The following TCF7L2 variants were observed in gnomAD, a reference collection of about 807,000 sequenced individuals.
TCF7L2 encodes transcription factor 7-like 2.
TCF7L2 carries 23 observed loss-of-function variants against 77.9 expected under a neutral mutation model. The observed-to-expected ratio is 0.30, with a 90% CI of 0.21 to 0.42. The LOEUF is 0.42. Among genes scored for constraint, TCF7L2 ranks in the 10% least tolerant of loss-of-function variants. The pLI is 1.00. For synonymous variants in TCF7L2, 413 were observed against 340.2 expected (o/e 1.21, Z -2.36); for missense variants, 654 against 793.1 (o/e 0.82, Z 2.11).
intron 5 of TCF7L2, among the ~76,000 whole-genome samples, chr10:113,103,486 T>C (rs961560136): frequency 4.6e-5 from 7 of 151,880 alleles, no homozygotes; most frequent in African/African-American, 1.7e-4. Context: ...GAAAAAAAAA[T>C]AGGCCATTTG....
At chr10:112,975,443 AT>A (rs2039221606) in intron 4 of TCF7L2, among the ~76,000 whole-genome samples, 1 of 152,148 alleles carries the variant, frequency 6.6e-6, no homozygotes, top group Non-Finnish European at 1.5e-5. Context: ...GCAGGGGACC[AT>A]CCCGTGCATT....
At chr10:113,137,006 A>G (rs2067513337) in intron 5 of TCF7L2, among the ~76,000 whole-genome samples, 1 of 149,354 alleles carries the variant, frequency 6.7e-6, no homozygotes, top group Non-Finnish European at 1.5e-5. Context: ...AGGGACCATG[A>G]TCATCTCCAC....
At chr10:113,132,364 CA>C (rs1363362244) in intron 5 of TCF7L2, among the ~76,000 whole-genome samples, 5 of 152,186 alleles carry the variant, frequency 3.3e-5, no homozygotes, top group African/African-American at 4.8e-5. Context: ...CCTTTTTATG[CA>C]GCTGTTCCTT....
intron 4 of TCF7L2, among the ~76,000 whole-genome samples, chr10:113,027,153 G>A (rs751364079): frequency 2.0e-5 from 3 of 152,156 alleles, no homozygotes; most frequent in Non-Finnish European, 4.4e-5. Flanking sequence ...TTTCTTTTTG[G>A]AAGTGGAATT....
At chr10:112,960,334 G>A (rs1211300334) in intron 3 of TCF7L2, among the ~76,000 whole-genome samples, 1 of 152,126 alleles carries the variant, frequency 6.6e-6, no homozygotes, top group Non-Finnish European at 1.5e-5. Flanking sequence ...TTAAAATGTT[G>A]GTCTTTACAT....
intron 5 of TCF7L2, among the ~76,000 whole-genome samples, chr10:113,126,294 A>C (rs192155775): frequency 6.6e-6 from 1 of 152,216 alleles, no homozygotes; most frequent in Non-Finnish European, 1.5e-5. Flanking sequence ...TTCAGTTGGC[A>C]GAAAACTTTG....
chr10:113,057,689 G>C (rs944556686), intron 5 of TCF7L2, among the ~76,000 whole-genome samples: 2 of 152,200 alleles, frequency 1.3e-5, no homozygotes, highest in Admixed American at 1.3e-4. Context: ...TAATCCTTAT[G>C]ATCTTTGGGG....
intron 5 of TCF7L2, among the ~76,000 whole-genome samples, chr10:113,120,771 A>G (rs572323875): frequency 6.6e-6 from 1 of 152,322 alleles, no homozygotes; most frequent in Admixed American, 6.5e-5. Context: ...ATTATGGCCT[A>G]CAAACCCTGA....
chr10:112,984,487 T>C (rs940402566), intron 4 of TCF7L2, among the ~76,000 whole-genome samples: 3 of 152,148 alleles, frequency 2.0e-5, no homozygotes, highest in Non-Finnish European at 4.4e-5. Context: ...CTCTAAGTGA[T>C]GATTTATTCC....
intron 4 of TCF7L2, among the ~76,000 whole-genome samples, chr10:113,026,869 A>G (rs1043808335): frequency 2.1e-4 from 32 of 152,202 alleles, no homozygotes; most frequent in Non-Finnish European, 7.3e-5. Context: ...GGGAGGGAAT[A>G]CCCAAACTCG....
chr10:113,159,024 TA>T (rs540075953), intron 12 of TCF7L2, among the ~76,000 whole-genome samples: 240 of 147,770 alleles, frequency 1.6e-3, no homozygotes, highest in Middle Eastern at 3.5e-3. Context: ...AGAGACTGGT[TA>T]AAAAAAAAAA....
intron 5 of TCF7L2, among the ~76,000 whole-genome samples, chr10:113,093,615 G>A (rs1401910914): frequency 2.0e-5 from 3 of 152,148 alleles, no homozygotes; most frequent in Non-Finnish European, 4.4e-5. Context: ...CCTTCCTCTA[G>A]GGAATTAAGG....
chr10:113,088,641 G>A (rs545208910), intron 5 of TCF7L2, among the ~76,000 whole-genome samples: 1 of 152,246 alleles, frequency 6.6e-6, no homozygotes, highest in Non-Finnish European at 1.5e-5. Flanking sequence ...GCCTGGCAGA[G>A]GAAAAGGTGT....
At chr10:113,141,391 G>A (rs1170126522) in intron 6 of TCF7L2, 75 bp downstream of exon 6, 1 of 1,599,986 alleles carries the variant, frequency 6.3e-7, no homozygotes, top group Non-Finnish European at 8.5e-7. Context: ...GCCTCCACAG[G>A]AACCCCAGGG....
At chr10:113,064,381 C>A (rs2056958968) in intron 5 of TCF7L2, among the ~76,000 whole-genome samples, 1 of 152,188 alleles carries the variant, frequency 6.6e-6, no homozygotes, top group African/African-American at 2.4e-5. Context: ...TTTCCTTTTT[C>A]TGTAGGCCAG....
chr10:113,108,036 C>T (rs2062626202), intron 5 of TCF7L2, among the ~76,000 whole-genome samples: 1 of 149,640 alleles, frequency 6.7e-6, no homozygotes, highest in Admixed American at 6.6e-5. Flanking sequence ...GGTCTGTCGG[C>T]TGACCTTCTT....
At chr10:113,094,773 C>T (rs1009406892) in intron 5 of TCF7L2, among the ~76,000 whole-genome samples, 28 of 152,334 alleles carry the variant, frequency 1.8e-4, no homozygotes, top group African/African-American at 5.8e-4. Flanking sequence ...ATTATCCCTC[C>T]TGTCCCTTAA....
intron 5 of TCF7L2, chr10:113,126,597 G>T (rs901957323): frequency 2.0e-6 from 2 of 985,162 alleles, no homozygotes; most frequent in African/African-American, 1.7e-5. Flanking sequence ...TTTTGTGGGG[G>T]GGTGGGTTGT....
chr10:113,124,159 T>C (rs1239326882), intron 5 of TCF7L2, among the ~76,000 whole-genome samples: 1 of 150,164 alleles, frequency 6.7e-6, no homozygotes, highest in Non-Finnish European at 1.5e-5. Context: ...AGATACAGAG[T>C]TCAAAGATGC....
Sources: allele counts gnomAD v4.1 joint callset (sites outside exome capture counted in the v4.1 genomes callset), GRCh38; gene constraint gnomAD v4.1.1; transcripts MANE v1.5; gene names NCBI Gene and HGNC (gene_info 2026-07-23, HGNC 2026-07-21).